The following ZFYVE9 variants were observed in gnomAD, a reference collection of about 807,000 sequenced individuals.
The protein encoded by ZFYVE9 is zinc finger FYVE domain-containing protein 9.
ZFYVE9 carries 43 observed loss-of-function variants against 126.7 expected under a neutral mutation model. The ratio of observed to expected loss-of-function variants is 0.34; its 90% CI spans 0.27 to 0.44. The LOEUF is 0.44. Among genes scored for constraint, ZFYVE9 ranks in the 20% least tolerant of loss-of-function variants. The pLI, the probability that ZFYVE9 is intolerant of heterozygous loss-of-function variation, is 1.00. For synonymous variants in ZFYVE9, 521 were observed against 597.4 expected (o/e 0.87, Z 1.87); for missense variants, 1,476 against 1,697.0 (o/e 0.87, Z 2.29).
At position 52,180,056 on chromosome 1, in the gene ZFYVE9, C is replaced by T. The variant is rs200648056; in HGVS notation, c.-142-36313C>T. On this transcript the variant is annotated intron_variant, in intron 1 of 18. Transcript: ENST00000287727. ...AGGATGAATGTGCTATTGAAATGTA[C>T]AGACAGCAGAGACTGGCTGAGTGGA... 1.2e-5 allele frequency: 10 copies of T among 839,834 alleles called. No individual in the cohort carries two copies. The East Asian group carries it at 2.4e-4, about 20-fold the overall frequency. 52.0% of individuals were successfully genotyped at this position (839,834 alleles called of 1,614,324 possible). A position where few individuals can be genotyped will look rare whatever the true frequency, so the allele number is the denominator to read the frequency against.
At chr1:52,246,290 AT>A (rs1319939641) in intron 4 of ZFYVE9, among the ~76,000 whole-genome samples, 2 of 152,336 alleles carry the variant, frequency 1.3e-5, no homozygotes, top group South Asian at 4.1e-4. Flanking sequence ...AAGATGAAAA[AT>A]ATCTAACATT....
At chr1:52,179,745 G>C in intron 1 of ZFYVE9, 1 of 419,246 alleles carries the variant, frequency 2.4e-6, no homozygotes. Context: ...AGGAGCGGAG[G>C]AGGAGAGTTT....
chr1:52,294,184 T>G (rs555081845), intron 11 of ZFYVE9, among the ~76,000 whole-genome samples: 1 of 152,324 alleles, frequency 6.6e-6, no homozygotes, highest in African/African-American at 2.4e-5. Flanking sequence ...CAAACTTTAT[T>G]TTAAATTTTA....
In ZFYVE9 at chr1:52,286,791, A is replaced by G. The variant is rs1417001518; in HGVS notation, c.3025+4975A>G. Among the ~76,000 whole-genome samples, 3 of 152,224 alleles carry G rather than the reference A, an allele frequency of 2.0e-5. No individual in the cohort carries two copies. The East Asian group carries it at 5.8e-4, about 29-fold the overall frequency. On this transcript the variant is annotated intron_variant, in intron 10 of 18. Transcript: ENST00000287727. ...AATAAACTGTGCTCCAACATTCAGT[A>G]TTCTGCATGATCTGTTCCTATATTT...
intron 10 of ZFYVE9, among the ~76,000 whole-genome samples, chr1:52,290,756 T>G (rs1312824510): frequency 6.6e-6 from 1 of 152,162 alleles, no homozygotes; most frequent in Non-Finnish European, 1.5e-5. Flanking sequence ...CCCCCAAAAA[T>G]CATATATTTG....
At chr1:52,180,180 G>T in intron 1 of ZFYVE9, 1 of 1,484,194 alleles carries the variant, frequency 6.7e-7, no homozygotes, top group Non-Finnish European at 9.4e-7. Flanking sequence ...TTTGTGGGTC[G>T]TCTTGCACCT....
At chr1:52,247,147 A>G (rs971858707) in intron 4 of ZFYVE9, among the ~76,000 whole-genome samples, 1 of 152,164 alleles carries the variant, frequency 6.6e-6, no homozygotes, top group African/African-American at 2.4e-5. Context: ...ATTTTAAAAC[A>G]TGGCCACTGG....
intron 1 of ZFYVE9, chr1:52,162,195 G>C (rs1330410797): frequency 2.6e-5 from 6 of 230,848 alleles, no homozygotes; most frequent in African/African-American, 4.6e-5. Flanking sequence ...TAGTGTCTTG[G>C]GCTGCAGGAA....
At chr1:52,333,143 C>T (rs1646358284) in intron 14 of ZFYVE9, among the ~76,000 whole-genome samples, 1 of 151,734 alleles carries the variant, frequency 6.6e-6, no homozygotes, top group Non-Finnish European at 1.5e-5. Context: ...GAAAATATGC[C>T]CTTAGGAGGG....
chr1:52,184,144 G>T (rs1644741297), intron 1 of ZFYVE9, among the ~76,000 whole-genome samples: 2 of 148,986 alleles, frequency 1.3e-5, no homozygotes, highest in East Asian at 3.9e-4. Context: ...TTTAAATTAG[G>T]TCATTTCATG....
At chr1:52,160,614 C>T (rs1644448802) in intron 1 of ZFYVE9, 2 of 693,102 alleles carry the variant, frequency 2.9e-6, no homozygotes, top group Non-Finnish European at 5.3e-6. Flanking sequence ...GAGTCGGGCA[C>T]CGTGTTAGCC....
At position 52,346,333 on chromosome 1, in the gene ZFYVE9, G is replaced by C; in HGVS notation, c.*112G>C. 9.3e-7 allele frequency: 1 copy of C among 1,072,944 alleles called. No homozygotes were observed. Among genetic ancestry groups the C allele is most frequent in the Non-Finnish European group, 1.3e-6 (1 of 777,706 alleles). 66.5% of individuals were successfully genotyped at this position (1,072,944 alleles called of 1,614,324 possible). On this transcript the variant is annotated 3_prime_UTR_variant, in exon 19 of 19. Coordinates refer to ENST00000287727, the MANE Select transcript of ZFYVE9 (RefSeq NM_004799.4). ...AGCTTTTGTTAACACTATTAATGGG[G>C]TGGGGAATAGGGTGGGAGTGGGGGT...
At chr1:52,210,329 T>C (rs539399809) in intron 1 of ZFYVE9, among the ~76,000 whole-genome samples, 6 of 152,200 alleles carry the variant, frequency 3.9e-5, no homozygotes, top group Non-Finnish European at 7.4e-5. Flanking sequence ...AGGAAAACTT[T>C]GATAAGCTAC....
At chr1:52,161,054 A>G (rs746729312) in intron 1 of ZFYVE9, among the ~76,000 whole-genome samples, 1 of 152,158 alleles carries the variant, frequency 6.6e-6, no homozygotes. Flanking sequence ...TTTTTCAAAT[A>G]AATTAACTTT....
chr1:52,286,659 C>T (rs1645864090), intron 10 of ZFYVE9, among the ~76,000 whole-genome samples: 2 of 152,308 alleles, frequency 1.3e-5, no homozygotes, highest in African/African-American at 4.8e-5. Context: ...AGAACATAGA[C>T]TTGAATGAAA....
intron 9 of ZFYVE9, among the ~76,000 whole-genome samples, chr1:52,279,277 A>C (rs1365969815): frequency 6.6e-6 from 1 of 152,156 alleles, no homozygotes; most frequent in East Asian, 1.9e-4. Flanking sequence ...GATAAATTAT[A>C]CAGGCTACTC....
At chr1:52,254,672 A>C (rs1407021934) in intron 4 of ZFYVE9, among the ~76,000 whole-genome samples, 1 of 152,188 alleles carries the variant, frequency 6.6e-6, no homozygotes, top group Non-Finnish European at 1.5e-5. Flanking sequence ...TTTGTGTCCA[A>C]AATTGGATAA....
chr1:52,227,054 A>T (rs116523286), intron 2 of ZFYVE9, among the ~76,000 whole-genome samples: 1,862 of 152,272 alleles, frequency 0.012, 33 homozygotes, highest in African/African-American at 0.043. Flanking sequence ...TATAGGTGAG[A>T]AAGGTTACAA....
At chr1:52,198,095 A>C (rs1359488631) in intron 1 of ZFYVE9, among the ~76,000 whole-genome samples, 1 of 150,538 alleles carries the variant, frequency 6.6e-6, no homozygotes, top group African/African-American at 2.4e-5. Context: ...GGTTGTCATT[A>C]AATAATATTG....
Sources: allele counts gnomAD v4.1 joint callset (sites outside exome capture counted in the v4.1 genomes callset), GRCh38; gene constraint gnomAD v4.1.1; transcripts MANE v1.5; gene names NCBI Gene and HGNC (gene_info 2026-07-23, HGNC 2026-07-21).